Variants in TMCC2 observed in about 807,000 individuals in gnomAD.
The protein encoded by TMCC2 is transmembrane and coiled-coil domains protein 2.
A neutral mutation model predicts 49.4 loss-of-function variants in TMCC2; 16 were observed. The ratio of observed to expected loss-of-function variants is 0.32; its 90% CI spans 0.22 to 0.49. TMCC2 has a LOEUF of 0.49. TMCC2 is among the 20% of genes least tolerant of loss of function. The pLI, the probability that TMCC2 is intolerant of heterozygous loss-of-function variation, is 0.99. For missense variants in TMCC2, 762 were observed against 989.8 expected (o/e 0.77, Z 3.09); for synonymous variants, 397 against 434.1 (o/e 0.91, Z 1.06).
In TMCC2 at chr1:205,269,088, A is replaced by G. The variant is rs1049613202; in HGVS notation, c.886A>G (p.Ile296Val). ...KAAIDHLHQK[I>V]LKITEQIKIE... ...CGCCATTGACCACCTGCACCAGAAG[A>G]TCCTGAAGATCACCGAGCAGATCAA... is the stretch of plus-strand genomic sequence containing the variant. Residue 296 changes from isoleucine to valine, a missense_variant, in exon 3 of 5, where the codon ATC (isoleucine) becomes GTC (valine). By Grantham distance (29) the Ile-to-Val change is conservative. This residue lies in a region of TMCC2 where 440 missense variants were observed against 636.7 expected (regional missense o/e 0.69). Coordinates refer to ENST00000358024, the MANE Select transcript of TMCC2 (RefSeq NM_014858.4). 1.9e-6 allele frequency: 3 copies of G among 1,613,858 alleles called. No homozygotes were observed. In the Admixed American group the frequency reaches 5.0e-5, roughly 27 times the overall value.
intron 2 of TMCC2, chr1:205,246,638 C>A (rs1156447382): frequency 6.5e-7 from 1 of 1,550,350 alleles, no homozygotes; most frequent in South Asian, 1.2e-5. Flanking sequence ...GGTTGTTCAG[C>A]CCTTAATGAG....
intron 2 of TMCC2, among the ~76,000 whole-genome samples, chr1:205,253,800 A>C (rs758621126): frequency 1.3e-5 from 2 of 152,220 alleles, no homozygotes; most frequent in Non-Finnish European, 2.9e-5. Flanking sequence ...CAAGTCTTCC[A>C]GGTACTGTCT....
chr1:205,257,580 G>T (rs1301027323), intron 2 of TMCC2, among the ~76,000 whole-genome samples: 2 of 152,210 alleles, frequency 1.3e-5, no homozygotes, highest in Admixed American at 6.5e-5. Context: ...GGTTGGATGT[G>T]GGCGCCCTGT....
Position 205,272,208 on chromosome 1 carries a change from T to C in TMCC2, c.*84T>C. 6.5e-6 allele frequency: 10 copies of C among 1,532,492 alleles called. No individual in the cohort carries two copies. Among genetic ancestry groups the C allele is most frequent in the Non-Finnish European group, 8.8e-6 (10 of 1,139,462 alleles). 94.9% of individuals were successfully genotyped at this position (1,532,492 alleles called of 1,614,324 possible). A position where few individuals can be genotyped will look rare whatever the true frequency, so the allele number is the denominator to read the frequency against. On this transcript the variant is annotated 3_prime_UTR_variant, in exon 5 of 5. Transcript: ENST00000358024. The stretch of plus-strand genomic sequence containing the variant: ...AGGGACCCTTGGACTTCTTTGTGTG[T>C]CCAGTTTGGCCTCCTGCCCAAACTG...
At chr1:205,255,202 CAAAAAAA>C (rs11406321) in intron 2 of TMCC2, among the ~76,000 whole-genome samples, 1 of 93,560 alleles carries the variant, frequency 1.1e-5, no homozygotes, top group Non-Finnish European at 2.1e-5. Flanking sequence ...GATCCTGTCT[CAAAAAAA>C]AAAAAAAAAA....
chr1:205,248,600 T>G (rs1024456159), intron 2 of TMCC2, among the ~76,000 whole-genome samples: 3 of 152,164 alleles, frequency 2.0e-5, no homozygotes, highest in Non-Finnish European at 2.9e-5. Flanking sequence ...CCTTAACCTC[T>G]GGGAGGCACA....
At chr1:205,239,063 G>A (rs1429562936) in intron 1 of TMCC2, among the ~76,000 whole-genome samples, 2 of 152,050 alleles carry the variant, frequency 1.3e-5, no homozygotes, top group African/African-American at 4.8e-5. Context: ...ATAGGGGAGA[G>A]GAAATGCCTC....
chr1:205,233,228 C>G (rs1309454623), intron 1 of TMCC2, among the ~76,000 whole-genome samples: 4 of 152,174 alleles, frequency 2.6e-5, no homozygotes, highest in Non-Finnish European at 5.9e-5. Context: ...CTAAGGTTCT[C>G]TTTCCTCTCA....
rs374519630 is a variant in TMCC2, at chr1:205,241,497, C to T, written c.208-8C>T. On this transcript the variant is annotated splice_region_variant and splice_polypyrimidine_tract_variant and intron_variant, in intron 1 of 4. Transcript: ENST00000358024. The surrounding 1 kb of genome is among the most constrained non-coding windows in gnomAD (Gnocchi z 7.3). ...ACTCACCAGGGTTCTTCATCTCTCC[C>T]CCTTAAGAAAATCCAGCAGCTGTCA... 2.6e-4 allele frequency: 413 copies of T among 1,612,810 alleles called. No homozygotes were observed. Among genetic ancestry groups the T allele is most frequent in the Non-Finnish European group, 3.4e-4 (398 of 1,179,658 alleles).
intron 2 of TMCC2, among the ~76,000 whole-genome samples, chr1:205,259,978 G>A (rs1266391839): frequency 1.3e-5 from 2 of 152,198 alleles, no homozygotes; most frequent in Admixed American, 6.5e-5. Context: ...ACATTTGTCA[G>A]CACTTCTCAG....
In TMCC2 at chr1:205,229,735, T is replaced by G. The variant is rs1341657645; in HGVS notation, c.207+964T>G. 6.1e-6 allele frequency: 6 copies of G among 985,372 alleles called. No individual in the cohort carries two copies. The African/African-American group carries it at 1.0e-4, about 17-fold the overall frequency. The allele number at this position is 985,372 out of a possible 1,614,324, so 61.0% of individuals were successfully genotyped here. A position where few individuals can be genotyped will look rare whatever the true frequency, so the allele number is the denominator to read the frequency against. ...GCCTCAGTTCAAGTTGCATACATGC[T>G]GAGCCAGCAGCTAGAACCAGAAGCC... On this transcript the variant is annotated intron_variant, in intron 1 of 4. Coordinates refer to ENST00000358024, the MANE Select transcript of TMCC2 (RefSeq NM_014858.4).
chr1:205,240,854 C>G (rs145206132), intron 1 of TMCC2, among the ~76,000 whole-genome samples: 6 of 152,262 alleles, frequency 3.9e-5, no homozygotes, highest in Non-Finnish European at 7.4e-5. Flanking sequence ...TTTCGTTGGC[C>G]CAAACTGTGT....
At position 205,268,960 on chromosome 1, in the gene TMCC2, G is replaced by A; in HGVS notation, c.758G>A (p.Gly253Glu). The A allele has an allele frequency of 1.2e-6, 2 of 1,612,528 alleles. No homozygotes were observed. Among genetic ancestry groups the A allele is most frequent in the South Asian group, 1.1e-5 (1 of 91,050 alleles). The change falls in exon 3 of 5, where the codon GGA (glycine) becomes GAA (glutamate). Residue 253 changes from glycine (G) to glutamate (E), a missense_variant. Gly to Glu is a moderately conservative substitution (Grantham distance 98, BLOSUM62 -2). Transcript: ENST00000358024. Reference sequence around the variant, plus strand: ...TGCCTCTTTCCCCAGGTCGATAAGGGAGACCTGGTGGCCCTGAGCCTCCCC... The same window carrying A: ...TGCCTCTTTCCCCAGGTCGATAAGGAAGACCTGGTGGCCCTGAGCCTCCCC... ...AEGIGDKVDK[G>E]DLVALSLPAG...
In TMCC2 at chr1:205,242,003, G is replaced by A. The variant is rs146720283; in HGVS notation, c.706G>A (p.Val236Met). 3.1e-4 allele frequency: 493 copies of A among 1,607,078 alleles called. 1 individual carries two copies. Among genetic ancestry groups the A allele is most frequent in the Non-Finnish European group, 4.1e-4 (480 of 1,177,482 alleles). The change falls in exon 2 of 5, where the codon GTG becomes ATG. Residue 236 changes from valine to methionine, a missense_variant. Coordinates refer to ENST00000358024, the MANE Select transcript of TMCC2 (RefSeq NM_014858.4). ...TCTGCTGCTGGCCGACGGCAGCAAC[G>A]TGTACCTCCTGGCTGAGGAGGCCGA... ...TALLLADGSN[V>M]YLLAEEAEGI...
Position 205,246,719 on chromosome 1 carries a change from C to A in TMCC2, c.747+4675C>A. On this transcript the variant is annotated intron_variant, in intron 2 of 4. Transcript: ENST00000358024. Reference sequence around the variant, plus strand: ...GAGTCAATGAATACATTTTAAAAATCAAATTAGAAAAATCCTGTCAAGCAG... The same window carrying A: ...GAGTCAATGAATACATTTTAAAAATAAAATTAGAAAAATCCTGTCAAGCAG... The A allele has an allele frequency of 3.2e-6, 5 of 1,546,722 alleles. No homozygotes were observed. The South Asian group carries it at 4.8e-5, about 15-fold the overall frequency.
At position 205,228,161 on chromosome 1, in the gene TMCC2, C is replaced by A. The variant is rs993388431; in HGVS notation, c.-404C>A. 2 of 151,578 alleles carry A rather than the reference C, an allele frequency of 1.3e-5. No homozygotes were observed. Among genetic ancestry groups the A allele is most frequent in the South Asian group, 4.1e-4 (2 of 4,826 alleles). 9.4% of individuals were successfully genotyped at this position (151,578 alleles called of 1,614,324 possible). A position where few individuals can be genotyped will look rare whatever the true frequency, so the allele number is the denominator to read the frequency against. Reference sequence around the variant, plus strand: ...CCCGGCCGGCTGCCCCGCGCCCCGCCTCGCCCCGCAGCCCGGCCGGCCGGG... The same window carrying A: ...CCCGGCCGGCTGCCCCGCGCCCCGCATCGCCCCGCAGCCCGGCCGGCCGGG... On this transcript the variant is annotated 5_prime_UTR_variant, in exon 1 of 5. Transcript: ENST00000358024.
chr1:205,246,495 C>T (rs1660457533), intron 2 of TMCC2: 1 of 1,471,776 alleles, frequency 6.8e-7, no homozygotes, highest in East Asian at 2.5e-5. Context: ...AATGATGGGA[C>T]TGAACCATTT....
chr1:205,270,088 C>A (rs1234852189), intron 3 of TMCC2, among the ~76,000 whole-genome samples: 2 of 152,096 alleles, frequency 1.3e-5, no homozygotes, highest in African/African-American at 4.8e-5. Flanking sequence ...TCTCTGTCGC[C>A]CAGGCTGGAG....
chr1:205,229,153 TTGTGTGTGTGTGTGTGTG>T (rs56153352), intron 1 of TMCC2: 142 of 540,930 alleles, frequency 2.6e-4, no homozygotes, highest in Middle Eastern at 8.6e-4. Flanking sequence ...ATTGGGATCT[TTGTGTGTGTGTGTGTGTG>T]TGTGTGTGTG....
Sources: gnomAD v4.1 joint callset for allele counts (sites outside exome capture counted in the v4.1 genomes callset) on GRCh38, gnomAD v4.1.1 for gene constraint, gnomAD v4.1.1 regional missense constraint, Gnocchi (gnomAD v3.1) non-coding constraint, MANE v1.5 for transcripts, NCBI Gene and HGNC (gene_info 2026-07-23, HGNC 2026-07-21) for gene names.